The following TRMT11 variants were observed in gnomAD, a reference collection of about 807,000 sequenced individuals.
TRMT11 encodes tRNA (guanine(10)-N(2))-methyltransferase TRMT11.
TRMT11 carries 53 observed loss-of-function variants against 62.8 expected under a neutral mutation model. The observed-to-expected ratio is 0.84, with a 90% CI of 0.68 to 1.06. The LOEUF (loss-of-function observed/expected upper bound fraction) is 1.06. TRMT11 is among the 50% of genes least tolerant of loss of function. TRMT11 has a pLI of 0.00. For synonymous variants in TRMT11, 188 were observed against 190.3 expected (o/e 0.99, Z 0.10); for missense variants, 556 against 553.4 (o/e 1.00, Z -0.05).
At chr6:126,198,964 G>A (rs1053583872) in intron 2 of TRMT11, 1 of 152,168 alleles carries the variant, frequency 6.6e-6, no homozygotes, top group African/African-American at 2.4e-5. Context: ...CCAATTTATT[G>A]CTCTCTCTCA....
chr6:126,102,029 A>G (rs1272173986), intron 17 of TRMT11, among the ~76,000 whole-genome samples: 1 of 152,216 alleles, frequency 6.6e-6, no homozygotes, highest in Non-Finnish European at 1.5e-5. Flanking sequence ...AAATGCCGAT[A>G]GATGTAGTGC....
intron 21 of TRMT11, among the ~76,000 whole-genome samples, chr6:126,166,456 C>T (rs1342416406): frequency 6.6e-6 from 1 of 152,120 alleles, no homozygotes; most frequent in African/African-American, 2.4e-5. Flanking sequence ...TGGGTATCAC[C>T]AGCGGAGGCT....
chr6:126,068,994 C>T (rs561310433), intron 17 of TRMT11, among the ~76,000 whole-genome samples: 1 of 152,192 alleles, frequency 6.6e-6, no homozygotes, highest in Non-Finnish European at 1.5e-5. Flanking sequence ...GGCTTGAAAG[C>T]CATCTGCTCT....
chr6:126,228,296 G>C, the TRMT11 span, among the ~76,000 whole-genome samples: 1 of 152,190 alleles, frequency 6.6e-6, no homozygotes, highest in African/African-American at 2.4e-5. Flanking sequence ...GGCCATAGAA[G>C]TCCAGTGTCA....
At chr6:126,262,065 C>T in the TRMT11 span, among the ~76,000 whole-genome samples, 32,424 of 152,168 alleles carry the variant, frequency 0.21, 4,481 homozygotes, top group East Asian at 0.53. Flanking sequence ...GGACCAGCTA[C>T]TGGGTTAAGT....
chr6:126,164,708 G>A (rs1233472564), intron 21 of TRMT11, among the ~76,000 whole-genome samples: 3 of 152,144 alleles, frequency 2.0e-5, no homozygotes, highest in African/African-American at 7.2e-5. Context: ...TTGTTGCATT[G>A]ATCCCTTTAT....
intron 21 of TRMT11, among the ~76,000 whole-genome samples, chr6:126,167,288 T>C (rs1778279859): frequency 6.6e-6 from 1 of 152,144 alleles, no homozygotes; most frequent in Non-Finnish European, 1.5e-5. Flanking sequence ...GCGAAAACCA[T>C]GGGAAAAGCA....
rs140042277 is a variant in TRMT11, at chr6:126,196,444, T to C, written n.144-2355T>C. Among the ~76,000 whole-genome samples, 39 of 152,256 alleles carry C rather than the reference T, an allele frequency of 2.6e-4. 1 individual carries two copies. In the East Asian group the frequency reaches 4.0e-3, roughly 16 times the overall value. ...GGGGCATCAAAATCAATCCCTCATC[T>C]ATCTGATTAACAATATTATTTTCAA... On this transcript the variant is annotated intron_variant and non_coding_transcript_variant, in intron 1 of 3. Transcript: ENST00000444229.
chr6:126,134,503 T>G (rs1777827931), intron 21 of TRMT11, among the ~76,000 whole-genome samples: 1 of 151,566 alleles, frequency 6.6e-6, no homozygotes, highest in South Asian at 2.1e-4. Flanking sequence ...TATAAGAAAA[T>G]ATTAATAGAT....
intron 8 of TRMT11, among the ~76,000 whole-genome samples, chr6:126,008,986 G>T (rs906305905): frequency 6.6e-6 from 1 of 151,782 alleles, no homozygotes; most frequent in African/African-American, 2.4e-5. Context: ...ATTTCCTGGG[G>T]GAACATGAAG....
chr6:126,047,550 C>T (rs1776094689), intron 16 of TRMT11, among the ~76,000 whole-genome samples: 1 of 152,088 alleles, frequency 6.6e-6, no homozygotes, highest in Non-Finnish European at 1.5e-5. Context: ...TGACCTGATT[C>T]TTCCTGCATG....
At chr6:126,144,366 T>G (rs1265715460) in intron 21 of TRMT11, among the ~76,000 whole-genome samples, 1 of 152,200 alleles carries the variant, frequency 6.6e-6, no homozygotes, top group Non-Finnish European at 1.5e-5. Context: ...CATTTCTCAC[T>G]AAAACCGTAA....
chr6:126,120,437 C>CA (rs1777636554), intron 21 of TRMT11, among the ~76,000 whole-genome samples: 1 of 151,910 alleles, frequency 6.6e-6, no homozygotes, highest in Non-Finnish European at 1.5e-5. Context: ...CTTTTAGGTA[C>CA]AAAAAAGTTA....
At chr6:126,151,814 C>CTTTCTTTCTTTAGT (rs1778047091) in intron 21 of TRMT11, among the ~76,000 whole-genome samples, 10 of 90,702 alleles carry the variant, frequency 1.1e-4, no homozygotes, top group Non-Finnish European at 1.9e-4. Context: ...TCTTTTCTTT[C>CTTTCTTTCTTTAGT]TTTCTTTCTT....
At chr6:126,015,697 A>G (rs1225597274) in intron 11 of TRMT11, among the ~76,000 whole-genome samples, 1 of 152,226 alleles carries the variant, frequency 6.6e-6, no homozygotes, top group East Asian at 1.9e-4. Flanking sequence ...CCATTCAAAT[A>G]TTACCAATTG....
At chr6:126,008,537 CA>C in intron 8 of TRMT11, 65 bp downstream of exon 8, 1 of 1,351,564 alleles carries the variant, frequency 7.4e-7, no homozygotes, top group East Asian at 2.3e-5. Flanking sequence ...TTTAAACATA[CA>C]GTTGACCCTG....
the TRMT11 span, among the ~76,000 whole-genome samples, chr6:126,226,697 A>C: frequency 2.0e-5 from 3 of 152,228 alleles, no homozygotes; most frequent in Non-Finnish European, 2.9e-5. Flanking sequence ...GTTTGTGGGC[A>C]TGTGTGTATT....
At chr6:126,065,033 G>A (rs1050006472) in intron 17 of TRMT11, among the ~76,000 whole-genome samples, 1 of 152,178 alleles carries the variant, frequency 6.6e-6, no homozygotes, top group Non-Finnish European at 1.5e-5. Flanking sequence ...GAGTCTAGGA[G>A]CATTTCCATT....
chr6:126,167,843 T>G (rs189466850), intron 21 of TRMT11, among the ~76,000 whole-genome samples: 157 of 152,342 alleles, frequency 1.0e-3, no homozygotes, highest in African/African-American at 3.4e-3. Flanking sequence ...GTTTCCTGAT[T>G]TGTAATCAGT....
Sources: gnomAD v4.1 joint callset for allele counts (sites outside exome capture counted in the v4.1 genomes callset) on GRCh38, gnomAD v4.1.1 for gene constraint, MANE v1.5 for transcripts, NCBI Gene and HGNC (gene_info 2026-07-23, HGNC 2026-07-21) for gene names.